The following SPAG9 variants were observed in gnomAD, a reference collection of about 807,000 sequenced individuals.
The protein encoded by SPAG9 is sperm associated antigen 9.
SPAG9 carries 35 observed loss-of-function variants against 166.5 expected under a neutral mutation model. That is an observed-to-expected ratio of 0.21 (90% CI 0.16 to 0.28). The LOEUF is 0.28. SPAG9 is among the 10% of genes least tolerant of loss of function. The pLI, the probability that SPAG9 is intolerant of heterozygous loss-of-function variation, is 1.00. For missense variants in SPAG9, 1,235 were observed against 1,603.3 expected, an observed-to-expected ratio of 0.77 and a Z score of 3.92; for synonymous variants, 534 against 565.5, an observed-to-expected ratio of 0.94 and a Z score of 0.79.
chr17:51,018,022 T>A (rs574571208), intron 8 of SPAG9, among the ~76,000 whole-genome samples: 1 of 152,150 alleles, frequency 6.6e-6, no homozygotes, highest in Non-Finnish European at 1.5e-5. Flanking sequence ...AGAAAGGCAG[T>A]AGCTCCTGTC....
At chr17:51,037,685 A>ATATATAGTGT in intron 5 of SPAG9, among the ~76,000 whole-genome samples, 58 of 83,500 alleles carry the variant, frequency 6.9e-4, no homozygotes, top group South Asian at 2.1e-3. Context: ...ATATATATAT[A>ATATATAGTGT]GTGTGTGTGT....
Position 51,046,664 on chromosome 17 carries a change from G to A in SPAG9, c.590+711C>T, listed in dbSNP as rs969877556. 6.5e-6 allele frequency: 10 copies of A among 1,535,928 alleles called. No homozygotes were observed. The African/African-American group carries it at 1.1e-4, about 17-fold the overall frequency. On this transcript the variant is annotated intron_variant, in intron 4 of 29. Coordinates refer to ENST00000262013, the MANE Select transcript of SPAG9 (RefSeq NM_001130528.3). Reference sequence around the variant, plus strand: ...GCAGCATGCATCCAGGACTCATGGCGCTGTGCTGGCATGGTGAAACACCCG... The same window carrying A: ...GCAGCATGCATCCAGGACTCATGGCACTGTGCTGGCATGGTGAAACACCCG...
At chr17:51,108,459 A>G (rs191968409) in intron 1 of SPAG9, among the ~76,000 whole-genome samples, 1 of 152,130 alleles carries the variant, frequency 6.6e-6, no homozygotes, top group East Asian at 1.9e-4. Context: ...TCTATATCTC[A>G]AAGTTTCAAA....
At chr17:50,968,962 T>C (rs913831451) in intron 29 of SPAG9, among the ~76,000 whole-genome samples, 1 of 151,624 alleles carries the variant, frequency 6.6e-6, no homozygotes, top group African/African-American at 2.4e-5. Flanking sequence ...AGATGGAGTC[T>C]CACTCTGTCA....
At chr17:51,056,871 T>C (rs1389503431) in intron 2 of SPAG9, among the ~76,000 whole-genome samples, 1 of 152,144 alleles carries the variant, frequency 6.6e-6, no homozygotes, top group Non-Finnish European at 1.5e-5. Flanking sequence ...GAAAGTTGAT[T>C]GTTTATAAGT....
chr17:51,038,110 T>C (rs189390321), intron 5 of SPAG9, among the ~76,000 whole-genome samples: 8 of 152,238 alleles, frequency 5.3e-5, no homozygotes, highest in African/African-American at 1.4e-4. Flanking sequence ...TGGCCTTGAA[T>C]TAGGGTATTT....
At chr17:51,060,043 T>G (rs1568050185) in intron 2 of SPAG9, among the ~76,000 whole-genome samples, 1 of 152,126 alleles carries the variant, frequency 6.6e-6, no homozygotes, top group South Asian at 2.1e-4. Context: ...TCTGTAAGAC[T>G]TTTCTGGATC....
chr17:51,070,708 A>C (rs987869924), intron 2 of SPAG9, among the ~76,000 whole-genome samples: 4 of 152,202 alleles, frequency 2.6e-5, no homozygotes, highest in African/African-American at 7.2e-5. Flanking sequence ...AAGAAAAAAA[A>C]CAATTTAAAT....
intron 5 of SPAG9, chr17:51,031,955 T>C (rs2046401284): frequency 4.6e-6 from 3 of 647,008 alleles, no homozygotes; most frequent in Non-Finnish European, 8.5e-6. Context: ...GTCTTATACT[T>C]ATCAACATGC....
At position 50,999,679 on chromosome 17, in the gene SPAG9, C is replaced by T. The variant is rs1567981384; in HGVS notation, c.1646G>A (p.Arg549Lys). 5 of 1,594,016 alleles carry T rather than the reference C, an allele frequency of 3.1e-6. No individual in the cohort carries two copies. The South Asian group carries it at 4.4e-5, about 14-fold the overall frequency. ...TACTTACAACTGCCAAATGCTTGACCTTTTTTTTTCCTGCATGGCTGGATT... is the reference window on the plus strand; with the variant it reads ...TACTTACAACTGCCAAATGCTTGACTTTTTTTTTTCCTGCATGGCTGGATT... ...RENPAMQEKK[R>K]SSIWQFFSRL... Residue 549 changes from arginine to lysine, a missense_variant, in exon 14 of 30, where the codon AGG becomes AAG. Transcript: ENST00000262013.
At chr17:51,044,489 AT>A (rs1364098981) in intron 4 of SPAG9, among the ~76,000 whole-genome samples, 4 of 152,302 alleles carry the variant, frequency 2.6e-5, no homozygotes, top group African/African-American at 7.2e-5. Context: ...TATATAAATA[AT>A]TTTACAACTA....
chr17:50,977,676 TC>T (rs1392705710), intron 26 of SPAG9, among the ~76,000 whole-genome samples: 1 of 152,094 alleles, frequency 6.6e-6, no homozygotes, highest in Non-Finnish European at 1.5e-5. Flanking sequence ...GACTGCTTGA[TC>T]CCAGGAGTTT....
intron 2 of SPAG9, among the ~76,000 whole-genome samples, chr17:51,072,445 G>A (rs1435377252): frequency 2.0e-5 from 3 of 150,440 alleles, no homozygotes; most frequent in African/African-American, 4.9e-5. Flanking sequence ...CACTTTGGGA[G>A]GCCAAGGTGA....
At chr17:51,099,735 G>A (rs67401041) in intron 1 of SPAG9, among the ~76,000 whole-genome samples, 31,799 of 116,306 alleles carry the variant, frequency 0.27, 4,383 homozygotes, top group Admixed American at 0.36. Flanking sequence ...ACTTGACTCT[G>A]TTATGAAAAT....
intron 4 of SPAG9, among the ~76,000 whole-genome samples, chr17:51,043,528 A>C (rs1409632277): frequency 6.6e-6 from 1 of 152,120 alleles, no homozygotes; most frequent in African/African-American, 2.4e-5. Context: ...TGATGGTGAC[A>C]GTGATAAGTA....
At chr17:51,060,380 G>A (rs571328046) in intron 2 of SPAG9, among the ~76,000 whole-genome samples, 6 of 151,776 alleles carry the variant, frequency 4.0e-5, no homozygotes, top group African/African-American at 1.2e-4. Flanking sequence ...GCAAATAGCA[G>A]TAATCCCAGC....
chr17:51,011,270 T>A (rs2045472101), intron 9 of SPAG9, among the ~76,000 whole-genome samples: 1 of 150,120 alleles, frequency 6.7e-6, no homozygotes. Context: ...CAGGACAGCC[T>A]ACACAACGTA....
At chr17:51,068,440 G>A (rs878876057) in intron 2 of SPAG9, among the ~76,000 whole-genome samples, 3 of 152,070 alleles carry the variant, frequency 2.0e-5, no homozygotes, top group Admixed American at 1.3e-4. Context: ...GAATCCCAGC[G>A]GTAGAAACTT....
At chr17:51,077,791 C>T (rs1360922504) in intron 2 of SPAG9, among the ~76,000 whole-genome samples, 4 of 152,180 alleles carry the variant, frequency 2.6e-5, no homozygotes, top group African/African-American at 7.2e-5. Context: ...GCTAGGACTA[C>T]GGGTGCGCAC....
Sources: gnomAD v4.1 joint callset for allele counts (sites outside exome capture counted in the v4.1 genomes callset) on GRCh38, gnomAD v4.1.1 for gene constraint, MANE v1.5 for transcripts, NCBI Gene and HGNC (gene_info 2026-07-23, HGNC 2026-07-21) for gene names.